CENPE: variants seen among roughly 807,000 people sequenced by gnomAD.
The protein encoded by CENPE is centromere-associated protein E.
A neutral mutation model predicts 336.1 loss-of-function variants in CENPE; 145 were observed. The ratio of observed to expected loss-of-function variants is 0.43; its 90% CI spans 0.38 to 0.50. The LOEUF is 0.50. Ranked by LOEUF, CENPE falls within the 20% of genes least tolerant of loss-of-function variation. The probability of loss-of-function intolerance (pLI) is 0.00; values close to 1 mark genes in which losing one functional copy is unlikely to be tolerated. For synonymous variants in CENPE, 1,013 were observed against 984.8 expected (o/e 1.03, Z -0.54); for missense variants, 2,719 against 3,023.3 (o/e 0.90, Z 2.36).
intron 6 of CENPE, 59 bp from the exon 7 acceptor site, chr4:103,194,500 ATTT>A (rs1208941604): frequency 6.8e-7 from 1 of 1,465,954 alleles, no homozygotes; most frequent in Non-Finnish European, 9.3e-7. Context: ...AAACACAATA[ATTT>A]TTATTTTAAC....
chr4:103,114,764 A>G (rs1749931409), intron 45 of CENPE, among the ~76,000 whole-genome samples: 1 of 152,366 alleles, frequency 6.6e-6, no homozygotes. Context: ...GTGCAGGGAC[A>G]GTCCGATTTT....
At chr4:103,195,051 A>G (rs1368988918) in intron 5 of CENPE, 63 bp downstream of exon 5, 3 of 1,413,670 alleles carry the variant, frequency 2.1e-6, no homozygotes, top group African/African-American at 2.9e-5. Flanking sequence ...AAAGGTAAAC[A>G]TTCAAGAACA....
At chr4:103,172,797 G>T (rs1244477231) in intron 16 of CENPE, among the ~76,000 whole-genome samples, 1 of 151,678 alleles carries the variant, frequency 6.6e-6, no homozygotes, top group African/African-American at 2.4e-5. Context: ...TATGTTAATG[G>T]CAAACTATCC....
intron 16 of CENPE, among the ~76,000 whole-genome samples, chr4:103,172,549 A>T (rs1014419518): frequency 1.3e-5 from 2 of 152,072 alleles, no homozygotes; most frequent in African/African-American, 4.8e-5. Context: ...CAGGATAAGG[A>T]TGTTCCCTTT....
chr4:103,184,317 G>A lies in CENPE; in HGVS notation c.746-1029C>T, dbSNP rs144052334. 3.8e-3 allele frequency among the ~76,000 whole-genome samples: 583 copies of A among 152,240 alleles called. 11 individuals are homozygous for A. The highest frequency in any genetic ancestry group is 0.013 in the African/African-American group (560 of 41,554). ...TCCTTGGATCAGCAGCTCTTCTAAT[G>A]GCAAGAGTGCAGGTGCAAGCTAAAC... On this transcript the variant is annotated intron_variant, in intron 9 of 48. Transcript: ENST00000265148.
In CENPE at chr4:103,151,316, A is replaced by G; in HGVS notation, c.3299T>C (p.Ile1100Thr). 6.2e-7 allele frequency: 1 copy of G among 1,607,092 alleles called. No homozygotes were observed. Among genetic ancestry groups the G allele is most frequent in the Non-Finnish European group, 8.5e-7 (1 of 1,178,594 alleles). The change falls in exon 26 of 49, where the codon ATA becomes ACA. Residue 1100 changes from isoleucine to threonine, a missense_variant. Transcript: ENST00000265148. ...LGDELKKQQE[I>T]VAQEKNHAIK... ...GGCATGGTTCTTTTCTTGTGCAACT[A>G]TCTCTTGTTGCTTTTTAAGTTCATC...
chr4:103,121,141 T>C (rs1213386717), intron 43 of CENPE, among the ~76,000 whole-genome samples: 1 of 152,230 alleles, frequency 6.6e-6, no homozygotes. Flanking sequence ...CCTGAAGCGA[T>C]GACTACTAAA....
chr4:103,161,980 A>T (rs1754481260), intron 18 of CENPE, among the ~76,000 whole-genome samples: 1 of 152,194 alleles, frequency 6.6e-6, no homozygotes, highest in Non-Finnish European at 1.5e-5. Context: ...GCATTTTAAT[A>T]TGACTTTAGC....
intron 42 of CENPE, among the ~76,000 whole-genome samples, chr4:103,127,516 G>A (rs1279385944): frequency 2.0e-5 from 3 of 152,084 alleles, no homozygotes; most frequent in African/African-American, 7.2e-5. Flanking sequence ...GAAAGGAAGA[G>A]CACAAGAGAA....
At chr4:103,159,591 T>A (rs894646110) in intron 21 of CENPE, among the ~76,000 whole-genome samples, 1 of 151,876 alleles carries the variant, frequency 6.6e-6, no homozygotes, top group African/African-American at 2.4e-5. Flanking sequence ...ATAATCAGAT[T>A]GTCTTTATTT....
intron 41 of CENPE, among the ~76,000 whole-genome samples, chr4:103,133,167 G>A (rs1751765375): frequency 6.6e-6 from 1 of 152,002 alleles, no homozygotes; most frequent in Admixed American, 6.6e-5. Flanking sequence ...ATTAAAGCTT[G>A]TCAAAATGAC....
At chr4:103,131,265 C>T (rs548496593) in intron 42 of CENPE, among the ~76,000 whole-genome samples, 1 of 152,172 alleles carries the variant, frequency 6.6e-6, no homozygotes, top group South Asian at 2.1e-4. Context: ...AATAACCTGA[C>T]TAAAATAAGG....
At chr4:103,194,773 T>C in intron 5 of CENPE, 89 bp from the exon 6 acceptor site, 1 of 947,444 alleles carries the variant, frequency 1.1e-6, no homozygotes. Context: ...ATAGAATTCA[T>C]TTGTGAAAGT....
intron 40 of CENPE, among the ~76,000 whole-genome samples, chr4:103,134,690 G>C (rs1273459522): frequency 6.7e-6 from 1 of 149,760 alleles, no homozygotes; most frequent in Non-Finnish European, 1.5e-5. Context: ...TTAGATATTT[G>C]GCTTCAAGAG....
intron 24 of CENPE, among the ~76,000 whole-genome samples, chr4:103,154,349 T>C (rs1251082290): frequency 6.6e-6 from 1 of 152,152 alleles, no homozygotes; most frequent in Non-Finnish European, 1.5e-5. Flanking sequence ...TGTGTGATTC[T>C]TTTTAGTTTT....
At chr4:103,132,424 A>C (rs1751667363) in intron 42 of CENPE, among the ~76,000 whole-genome samples, 1 of 152,184 alleles carries the variant, frequency 6.6e-6, no homozygotes, top group Non-Finnish European at 1.5e-5. Context: ...AGAAGCAGTG[A>C]GAAGGAGAAG....
At chr4:103,187,978 A>C (rs1383733950) in intron 8 of CENPE, among the ~76,000 whole-genome samples, 17 of 152,054 alleles carry the variant, frequency 1.1e-4, no homozygotes, top group Non-Finnish European at 1.6e-4. Flanking sequence ...AAACAAAAAA[A>C]GGCAGGGGTT....
chr4:103,142,224 A>T lies in CENPE; in HGVS notation c.5305-316T>A, dbSNP rs62327333. Among the ~76,000 whole-genome samples the T allele has an allele frequency of 0.041, 6,215 of 152,320 alleles. 165 individuals are homozygous for T. Among genetic ancestry groups the T allele is most frequent in the Non-Finnish European group, 0.06 (4,075 of 68,022 alleles). On this transcript the variant is annotated intron_variant, in intron 34 of 48. Coordinates refer to ENST00000265148, the MANE Select transcript of CENPE (RefSeq NM_001813.3). Reference sequence around the variant, plus strand: ...TTTTTAATTAAAATCACTACAATAAATAACCTGTGGCATATGTATACGTTG... The same window carrying T: ...TTTTTAATTAAAATCACTACAATAATTAACCTGTGGCATATGTATACGTTG...
chr4:103,158,823 T>C lies in CENPE; in HGVS notation c.2665A>G (p.Met889Val). Residue 889 changes from methionine (M) to valine (V), a missense_variant, in exon 23 of 49, where the codon ATG (methionine) becomes GTG (valine). Around this residue, in one of 5 missense-constraint regions of CENPE, gnomAD observed 2,437 missense variants for 2,513.3 expected, o/e 0.97. Coordinates refer to ENST00000265148, the MANE Select transcript of CENPE (RefSeq NM_001813.3). ...TREVQERLNE[M>V]EQLKEQLENR... ...TCTAATTGTTCCTTCAGCTGTTCCA[T>C]CTCATTTAGTCTTTCTTGAACCTCA... 6.2e-7 allele frequency: 1 copy of C among 1,612,696 alleles called. No individual in the cohort carries two copies. The highest frequency in any genetic ancestry group is 8.5e-7 in the Non-Finnish European group (1 of 1,179,384).
Sources: allele counts gnomAD v4.1 joint callset (sites outside exome capture counted in the v4.1 genomes callset), GRCh38; gene constraint gnomAD v4.1.1; regional missense constraint gnomAD v4.1.1; transcripts MANE v1.5; gene names NCBI Gene and HGNC (gene_info 2026-07-23, HGNC 2026-07-21).